The following RAB23 variants were observed in gnomAD, a reference collection of about 807,000 sequenced individuals.
RAB23 encodes ras-related protein Rab-23.
Under a neutral mutation model 30.0 loss-of-function variants are expected in RAB23, and 15 were observed. The observed-to-expected ratio is 0.50, with a 90% CI of 0.33 to 0.77. The LOEUF (loss-of-function observed/expected upper bound fraction) is 0.77, where lower values mean the gene tolerates loss of function less well. Among genes scored for constraint, RAB23 ranks in the 30% least tolerant of loss-of-function variants. The pLI, the probability that RAB23 is intolerant of heterozygous loss-of-function variation, is 0.02. For synonymous variants in RAB23, 93 were observed against 94.0 expected (o/e 0.99, Z 0.06); for missense variants, 243 against 275.4 (o/e 0.88, Z 0.83).
At chr6:57,204,714 C>G (rs1765389093) in intron 3 of RAB23, among the ~76,000 whole-genome samples, 1 of 152,004 alleles carries the variant, frequency 6.6e-6, no homozygotes, top group African/African-American at 2.4e-5. Context: ...TATTTCTAAG[C>G]AATGTTATTA....
At chr6:57,204,560 G>A (rs1765385664) in intron 3 of RAB23, among the ~76,000 whole-genome samples, 1 of 152,054 alleles carries the variant, frequency 6.6e-6, no homozygotes, top group African/African-American at 2.4e-5. Context: ...GTTTGGGACT[G>A]TTTAGTATTC....
chr6:57,213,974 C>A (rs1347655195), intron 1 of RAB23, among the ~76,000 whole-genome samples: 1 of 151,916 alleles, frequency 6.6e-6, no homozygotes, highest in Admixed American at 6.6e-5. Flanking sequence ...CTGGGGAGGA[C>A]TGGGGAGGAC....
At chr6:57,218,269 A>G (rs143013517) in intron 1 of RAB23, among the ~76,000 whole-genome samples, 17 of 152,382 alleles carry the variant, frequency 1.1e-4, no homozygotes, top group South Asian at 2.1e-4. Context: ...AAAGAAAATT[A>G]GACAAACTCT....
Position 57,187,627 on chromosome 6 carries a change from T to A in RAB23, c.*2834A>T, listed in dbSNP as rs930875272. ...AAGTATGCTAATAATTAACAATATC[T>A]TATATTAAAAGGGTCCAACACTAAG... On this transcript the variant is annotated 3_prime_UTR_variant, in exon 7 of 7. Transcript: ENST00000468148. 7.9e-5 allele frequency: 12 copies of A among 152,128 alleles called. No individual in the cohort carries two copies. Among genetic ancestry groups the A allele is most frequent in the Non-Finnish European group, 1.5e-4 (10 of 67,986 alleles). The allele number at this position is 152,128 out of a possible 1,614,324, so 9.4% of individuals were successfully genotyped here. A position where few individuals can be genotyped will look rare whatever the true frequency, so the allele number is the denominator to read the frequency against.
At chr6:57,195,136 T>C (rs974968145) in intron 4 of RAB23, among the ~76,000 whole-genome samples, 13 of 152,232 alleles carry the variant, frequency 8.5e-5, no homozygotes, top group Admixed American at 2.0e-4. Context: ...TATGTGTACA[T>C]AGAAGACTTT....
Position 57,194,753 on chromosome 6 carries a change from C to G in RAB23, c.481+17G>C. On this transcript the variant is annotated intron_variant, in intron 5 of 6. Coordinates refer to ENST00000468148, the MANE Select transcript of RAB23 (RefSeq NM_016277.5). ...AAAATTTCTTTTTGCAATCTATATC[C>G]TTTAAAGGTAATTTACCTTCATTCA... 1 of 1,560,606 alleles carries G rather than the reference C, an allele frequency of 6.4e-7. No homozygotes were observed. The highest frequency in any genetic ancestry group is 1.7e-5 in the Admixed American group (1 of 59,662).
At chr6:57,192,618 T>C (rs1337296525) in intron 6 of RAB23, among the ~76,000 whole-genome samples, 1 of 152,172 alleles carries the variant, frequency 6.6e-6, no homozygotes, top group Non-Finnish European at 1.5e-5. Flanking sequence ...GGCTGGGCAG[T>C]GGCTCACACC....
intron 3 of RAB23, among the ~76,000 whole-genome samples, chr6:57,201,821 T>C (rs980672475): frequency 5.9e-5 from 9 of 152,226 alleles, no homozygotes; most frequent in African/African-American, 2.2e-4. Flanking sequence ...TGTATCTTTC[T>C]GTACTAACTA....
chr6:57,211,211 G>A (rs2128004650), intron 1 of RAB23, among the ~76,000 whole-genome samples: 1 of 152,284 alleles, frequency 6.6e-6, no homozygotes, highest in South Asian at 2.1e-4. Flanking sequence ...AGCATTTTGG[G>A]AGGCTGAGGC....
intron 2 of RAB23, among the ~76,000 whole-genome samples, chr6:57,208,904 G>A (rs938772707): frequency 1.3e-5 from 2 of 152,064 alleles, no homozygotes; most frequent in African/African-American, 4.8e-5. Flanking sequence ...CTTACTGATT[G>A]ATATATATTG....
intron 1 of RAB23, among the ~76,000 whole-genome samples, chr6:57,215,190 T>G (rs1456010700): frequency 6.6e-6 from 1 of 152,176 alleles, no homozygotes; most frequent in Admixed American, 6.5e-5. Context: ...ATCAGATATT[T>G]CTGTCATTGG....
At chr6:57,201,904 C>G (rs1170331342) in intron 3 of RAB23, among the ~76,000 whole-genome samples, 2 of 152,198 alleles carry the variant, frequency 1.3e-5, no homozygotes, top group Non-Finnish European at 2.9e-5. Context: ...ATCCCAGAGG[C>G]TTCCTAATCT....
At chr6:57,207,054 C>G (rs1765478758) in intron 3 of RAB23, among the ~76,000 whole-genome samples, 1 of 152,060 alleles carries the variant, frequency 6.6e-6, no homozygotes, top group South Asian at 2.1e-4. Context: ...TTTTAAATTC[C>G]AAAAGAAAAG....
chr6:57,210,109 C>A (rs1765597533), intron 2 of RAB23, 117 bp downstream of exon 2: 2 of 1,058,820 alleles, frequency 1.9e-6, no homozygotes, highest in Non-Finnish European at 2.9e-6. Context: ...GTCGCATGAG[C>A]ATTGCCACTA....
At position 57,188,201 on chromosome 6, in the gene RAB23, AT is replaced by A. The variant is rs1417396247; in HGVS notation, c.*2259del. 6.6e-6 allele frequency: 1 copy of A among 152,170 alleles called. No individual in the cohort carries two copies. Among genetic ancestry groups the A allele is most frequent in the Non-Finnish European group, 1.5e-5 (1 of 67,998 alleles). 9.4% of individuals were successfully genotyped at this position (152,170 alleles called of 1,614,324 possible). A position where few individuals can be genotyped will look rare whatever the true frequency, so the allele number is the denominator to read the frequency against. On this transcript the variant is annotated 3_prime_UTR_variant, in exon 7 of 7. Transcript: ENST00000468148. ...GAAGGGTCTTGGAAAAAAAATGTCAATTTTTGAAGGCTTTAAGAATTGATTA... is the reference window on the plus strand; with the variant it reads ...GAAGGGTCTTGGAAAAAAAATGTCAATTTTGAAGGCTTTAAGAATTGATTA...
At chr6:57,195,931 A>G (rs925114628) in intron 4 of RAB23, among the ~76,000 whole-genome samples, 1 of 152,260 alleles carries the variant, frequency 6.6e-6, no homozygotes, top group Non-Finnish European at 1.5e-5. Flanking sequence ...ACAGGTAAAA[A>G]CCAAGCAAAT....
At chr6:57,197,354 G>A (rs938275052) in intron 3 of RAB23, among the ~76,000 whole-genome samples, 5 of 152,036 alleles carry the variant, frequency 3.3e-5, no homozygotes, top group Admixed American at 6.5e-5. Context: ...TAATATCAAA[G>A]ACTAAAATAA....
At chr6:57,207,522 T>C in intron 3 of RAB23, 106 bp downstream of exon 3, 1 of 753,380 alleles carries the variant, frequency 1.3e-6, no homozygotes, top group East Asian at 2.6e-5. Flanking sequence ...TTATTTTAAC[T>C]ATTCTTCAAG....
intron 3 of RAB23, among the ~76,000 whole-genome samples, chr6:57,202,689 T>C (rs1765311913): frequency 6.6e-6 from 1 of 152,210 alleles, no homozygotes; most frequent in Non-Finnish European, 1.5e-5. Flanking sequence ...TCCAGACTTT[T>C]CTATCAAATC....
Sources: gnomAD v4.1 joint callset for allele counts (sites outside exome capture counted in the v4.1 genomes callset) on GRCh38, gnomAD v4.1.1 for gene constraint, MANE v1.5 for transcripts, NCBI Gene and HGNC (gene_info 2026-07-23, HGNC 2026-07-21) for gene names.